The following KDM4C variants were observed in gnomAD, a reference collection of about 807,000 sequenced individuals.
KDM4C encodes lysine demethylase 4C.
In KDM4C, 81 loss-of-function variants were observed where a neutral mutation model predicts 129.3. That is an observed-to-expected ratio of 0.63 (90% CI 0.52 to 0.75). KDM4C has a LOEUF of 0.75. Ranked by LOEUF, KDM4C falls within the 30% of genes least tolerant of loss-of-function variation. The probability of loss-of-function intolerance (pLI) is 0.00; values close to 1 mark genes in which losing one functional copy is unlikely to be tolerated. For missense variants in KDM4C, 1,457 were observed against 1,304.0 expected (o/e 1.12, Z -1.81); for synonymous variants, 573 against 456.1 (o/e 1.26, Z -3.26).
At chr9:6,805,958 A>G (rs1258745585) in intron 3 of KDM4C, among the ~76,000 whole-genome samples, 184 bp downstream of exon 3, 2 of 152,134 alleles carry the variant, frequency 1.3e-5, no homozygotes, top group Non-Finnish European at 1.5e-5. Context: ...ACTTAAAGAA[A>G]TTGCTCTTTA....
At chr9:6,772,317 T>G (rs1822020679) in intron 1 of KDM4C, among the ~76,000 whole-genome samples, 1 of 151,668 alleles carries the variant, frequency 6.6e-6, no homozygotes, top group Non-Finnish European at 1.5e-5. Flanking sequence ...GCCTGGCTAA[T>G]TTTTGTATTT....
At chr9:6,724,842 C>G (rs941325018) in intron 1 of KDM4C, among the ~76,000 whole-genome samples, 1 of 151,998 alleles carries the variant, frequency 6.6e-6, no homozygotes, top group African/African-American at 2.4e-5. Flanking sequence ...GGGTGTATTA[C>G]TTTCTTATTG....
At chr9:7,170,212 C>A in intron 21 of KDM4C, 1 of 1,206,428 alleles carries the variant, frequency 8.3e-7, no homozygotes, top group Admixed American at 3.9e-5. Context: ...ACCATCAAGG[C>A]ATTTGCAATC....
chr9:7,133,338 C>T (rs914602646), intron 19 of KDM4C, among the ~76,000 whole-genome samples: 1 of 152,134 alleles, frequency 6.6e-6, no homozygotes, highest in African/African-American at 2.4e-5. Context: ...AGAACCTGTA[C>T]TTGTGAGATT....
intron 4 of KDM4C, among the ~76,000 whole-genome samples, chr9:6,825,861 A>T (rs1211516097): frequency 6.6e-6 from 1 of 152,118 alleles, no homozygotes; most frequent in Non-Finnish European, 1.5e-5. Context: ...CACAGCCTGC[A>T]GTGCAGTGTC....
At chr9:6,749,289 G>A (rs1310737187) in intron 1 of KDM4C, among the ~76,000 whole-genome samples, 6 of 152,166 alleles carry the variant, frequency 3.9e-5, no homozygotes, top group African/African-American at 1.4e-4. Flanking sequence ...AAAGTGCTGG[G>A]ATTGCAGGCG....
chr9:6,974,807 C>G (rs925153524), intron 8 of KDM4C: 1 of 152,124 alleles, frequency 6.6e-6, no homozygotes, highest in Non-Finnish European at 1.5e-5. Flanking sequence ...TGCATGAATT[C>G]AGAACAAAAC....
intron 18 of KDM4C, among the ~76,000 whole-genome samples, chr9:7,124,646 C>A (rs1460867046): frequency 6.6e-6 from 1 of 152,182 alleles, no homozygotes; most frequent in African/African-American, 2.4e-5. Context: ...TATATACTGT[C>A]ACCTAGCTGT....
At chr9:7,091,857 T>C (rs1835842814) in intron 17 of KDM4C, among the ~76,000 whole-genome samples, 1 of 152,164 alleles carries the variant, frequency 6.6e-6, no homozygotes. Context: ...AGAGATTAGA[T>C]TGAGAAGAAG....
intron 17 of KDM4C, among the ~76,000 whole-genome samples, chr9:7,077,910 G>A (rs1834105262): frequency 6.6e-6 from 1 of 152,168 alleles, no homozygotes; most frequent in East Asian, 1.9e-4. Flanking sequence ...CAGGTGTTTT[G>A]GCCAGCAGAT....
chr9:7,155,552 C>T (rs573212891), intron 19 of KDM4C, among the ~76,000 whole-genome samples: 2 of 152,230 alleles, frequency 1.3e-5, no homozygotes, highest in South Asian at 4.2e-4. Context: ...GTTCCCTGCC[C>T]TGTGTCCGTG....
chr9:7,125,895 A>G (rs940825924), intron 18 of KDM4C, among the ~76,000 whole-genome samples: 2 of 152,218 alleles, frequency 1.3e-5, no homozygotes, highest in Non-Finnish European at 1.5e-5. Context: ...TGAGGCTGGT[A>G]TAAAGAAGAT....
At chr9:6,841,740 T>C (rs1484182576) in intron 4 of KDM4C, among the ~76,000 whole-genome samples, 1 of 152,208 alleles carries the variant, frequency 6.6e-6, no homozygotes, top group African/African-American at 2.4e-5. Flanking sequence ...GCTATTCCAC[T>C]TGGTGGACAA....
intron 4 of KDM4C, among the ~76,000 whole-genome samples, chr9:6,846,072 G>T (rs145572893): frequency 4.7e-4 from 71 of 152,282 alleles, no homozygotes; most frequent in African/African-American, 1.5e-3. Context: ...GTGTAGAGTG[G>T]CACTGCCTCT....
At chr9:7,046,677 G>A (rs1209831491) in intron 15 of KDM4C, among the ~76,000 whole-genome samples, 185 bp from the exon 16 acceptor site, 2 of 152,082 alleles carry the variant, frequency 1.3e-5, no homozygotes, top group African/African-American at 4.8e-5. Context: ...TTTGAGGGGT[G>A]TACCTCTACC....
intron 12 of KDM4C, among the ~76,000 whole-genome samples, chr9:7,006,526 T>G (rs1398492010): frequency 6.6e-6 from 1 of 151,984 alleles, no homozygotes; most frequent in Non-Finnish European, 1.5e-5. Flanking sequence ...GGAGAATAGC[T>G]TTGGAGATGC....
intron 2 of KDM4C, among the ~76,000 whole-genome samples, chr9:6,804,428 C>T (rs534551030): frequency 2.0e-5 from 3 of 152,276 alleles, no homozygotes; most frequent in African/African-American, 4.8e-5. Context: ...ACTAGCATAC[C>T]GCTGTGCTAT....
chr9:6,957,394 G>C (rs1351139355), intron 8 of KDM4C, among the ~76,000 whole-genome samples: 1 of 152,060 alleles, frequency 6.6e-6, no homozygotes. Context: ...AGGGTTTTTG[G>C]CATTCGCTTT....
rs763478361 is a variant in KDM4C, at chr9:6,984,159, T to A, written c.1116-7T>A. 6.3e-7 allele frequency: 1 copy of A among 1,598,626 alleles called. No homozygotes were observed. The highest frequency in any genetic ancestry group is 2.2e-5 in the East Asian group (1 of 44,778). Reference sequence around the variant, plus strand: ...CCCGCTCTGACCACTGCTTCTCTTGTTGACAGCTTCCAGTGTGCTAGGTCT... The same window carrying A: ...CCCGCTCTGACCACTGCTTCTCTTGATGACAGCTTCCAGTGTGCTAGGTCT... On this transcript the variant is annotated splice_polypyrimidine_tract_variant and splice_region_variant and intron_variant, in intron 9 of 21. Coordinates refer to ENST00000381309, the MANE Select transcript of KDM4C (RefSeq NM_015061.6).
Sources: allele counts gnomAD v4.1 joint callset (sites outside exome capture counted in the v4.1 genomes callset), GRCh38; gene constraint gnomAD v4.1.1; transcripts MANE v1.5; gene names NCBI Gene and HGNC (gene_info 2026-07-23, HGNC 2026-07-21).